MYH1: variants seen among roughly 807,000 people sequenced by gnomAD.
MYH1 encodes the protein myosin heavy chain 1.
A neutral mutation model predicts 225.6 loss-of-function variants in MYH1; 214 were observed. The ratio of observed to expected loss-of-function variants is 0.95; its 90% CI spans 0.85 to 1.06. The LOEUF is 1.06. Ranked by LOEUF, MYH1 falls within the 50% of genes least tolerant of loss-of-function variation. MYH1 has a pLI of 0.00. For missense variants in MYH1, 2,098 were observed against 2,344.2 expected (o/e 0.89, Z 2.17); for synonymous variants, 774 against 842.3 (o/e 0.92, Z 1.40).
chr17:10,515,147 AATGCATAAT>A (rs748101218), intron 5 of MYH1, among the ~76,000 whole-genome samples: 7 of 152,232 alleles, frequency 4.6e-5, no homozygotes, highest in Non-Finnish European at 7.3e-5. Context: ...ATAGCTGAAA[AATGCATAAT>A]ATGCTAAAGG....
intron 17 of MYH1, among the ~76,000 whole-genome samples, chr17:10,506,960 G>A (rs747048170): frequency 6.6e-6 from 1 of 152,202 alleles, no homozygotes; most frequent in African/African-American, 2.4e-5. Flanking sequence ...ATGTTACCAA[G>A]CGTGTAAAGT....
Position 10,494,605 on chromosome 17 carries a change from G to A in MYH1, c.5535C>T (p.Arg1845=). Residue 1845 remains arginine (R), a synonymous_variant, in exon 38 of 40, where the codon CGC becomes CGT. Transcript: ENST00000226207. ...GTTCCTTCACTTTTCTCTCATGTTT[G>A]CGTAGACCCTTGACAGCTTCAACAT... ...KRNVEAVKGL[R]KHERKVKELT... 6.2e-7 allele frequency: 1 copy of A among 1,613,948 alleles called. No homozygotes were observed. The highest frequency in any genetic ancestry group is 8.5e-7 in the Non-Finnish European group (1 of 1,180,000).
intron 10 of MYH1, 33 bp from the exon 11 acceptor site, chr17:10,512,817 A>G (rs538622745): frequency 1.2e-6 from 2 of 1,608,800 alleles, no homozygotes; most frequent in East Asian, 4.5e-5. Context: ...TATGTTTTAC[A>G]TTAGAAGATA....
In MYH1 at chr17:10,496,084, C is replaced by G. The variant is rs1392171754; in HGVS notation, c.5035G>C (p.Glu1679Gln). 3 of 1,614,138 alleles carry G rather than the reference C, an allele frequency of 1.9e-6. No individual in the cohort carries two copies. The highest frequency in any genetic ancestry group is 2.5e-6 in the Non-Finnish European group (3 of 1,180,020). The change falls in exon 35 of 40, where the codon GAG becomes CAG. Residue 1679 changes from glutamate to glutamine, a missense_variant. Glu to Gln is a conservative substitution (Grantham distance 29). Coordinates refer to ENST00000226207, the MANE Select transcript of MYH1 (RefSeq NM_005963.4). ...GCCTGCAGCAGGTTGGCTCTGCGCT[C>G]CACCATAGCCAGCTGTTCCTTCAGG... ...EDLKEQLAMV[E>Q]RRANLLQAEI...
Position 10,495,320 on chromosome 17 carries a change from G to C in MYH1, c.5170-3C>G, listed in dbSNP as rs748448611. 2.7e-5 allele frequency: 43 copies of C among 1,613,774 alleles called. No homozygotes were observed. The highest frequency in any genetic ancestry group is 3.6e-5 in the Non-Finnish European group (42 of 1,179,984). On this transcript the variant is annotated splice_region_variant and splice_polypyrimidine_tract_variant and intron_variant, in intron 35 of 39. Transcript: ENST00000226207. ...TTGGTGTTGATCAGGCTGGTGTTCTGTTTAAAATGTGAAATTTAGAAATAT... is the reference window on the plus strand; with the variant it reads ...TTGGTGTTGATCAGGCTGGTGTTCTCTTTAAAATGTGAAATTTAGAAATAT...
chr17:10,500,164 G>A (rs1227106800), intron 28 of MYH1, among the ~76,000 whole-genome samples: 1 of 152,114 alleles, frequency 6.6e-6, no homozygotes, highest in African/African-American at 2.4e-5. Flanking sequence ...ATAATCCACT[G>A]TCTTTAAAAT....
At chr17:10,512,988 G>A in intron 9 of MYH1, 23 bp from the exon 10 acceptor site, 1 of 1,518,454 alleles carries the variant, frequency 6.6e-7, no homozygotes, top group Non-Finnish European at 9.1e-7. Context: ...GTAGACATCA[G>A]ATTATGGGGA....
In MYH1 at chr17:10,498,980, C is replaced by G; in HGVS notation, c.3978G>C (p.Glu1326Asp). 6.2e-7 allele frequency: 1 copy of G among 1,611,626 alleles called. No individual in the cohort carries two copies. The highest frequency in any genetic ancestry group is 8.5e-7 in the Non-Finnish European group (1 of 1,177,908). Residue 1326 changes from glutamate (E) to aspartate (D), a missense_variant, in exon 29 of 40, where the codon GAG (glutamate) becomes GAC (aspartate). Glu to Asp is a conservative substitution (Grantham distance 45). Transcript: ENST00000226207. ...IEELKRQLEEEIKAKSALAHA... is the reference protein window; with the variant it reads ...IEELKRQLEEDIKAKSALAHA... ...AATGACAAGTGGAGCTTACCTTTAT[C>G]TCCTCTTCAAGTTGCCTTTTCAGTT...
At chr17:10,503,402 G>C (rs1166073483) in intron 22 of MYH1, among the ~76,000 whole-genome samples, 154 bp from the exon 23 acceptor site, 1 of 152,114 alleles carries the variant, frequency 6.6e-6, no homozygotes, top group South Asian at 2.1e-4. Context: ...GGGCACTTAT[G>C]AGTCCGGTAA....
chr17:10,498,759 G>A lies in MYH1; in HGVS notation c.4048C>T (p.Gln1350Ter). Residue 1350 changes from glutamine to a stop codon, truncating the protein, a stop_gained, in exon 30 of 40, where the codon CAG (glutamine) becomes TAG (stop). Transcript: ENST00000226207. LOFTEE classifies it high-confidence loss of function. Reference sequence around the variant, plus strand: ...TTGGCTTCCTGCTCCTCCTCATACTGTTCCCGCAGCAGGTCACAGTCATGG... The same window carrying A: ...TTGGCTTCCTGCTCCTCCTCATACTATTCCCGCAGCAGGTCACAGTCATGG... ...SRHDCDLLRE[Q>*]YEEEQEAKAE... 1.2e-6 allele frequency: 2 copies of A among 1,614,192 alleles called. No individual in the cohort carries two copies. Among genetic ancestry groups the A allele is most frequent in the Non-Finnish European group, 1.7e-6 (2 of 1,180,022 alleles).
chr17:10,498,042 G>T, intron 30 of MYH1, 125 bp from the exon 31 acceptor site: 1 of 943,018 alleles, frequency 1.1e-6, no homozygotes, highest in Non-Finnish European at 1.5e-6. Context: ...TTGTTTTGTA[G>T]GTCCAGTTCT....
Position 10,498,716 on chromosome 17 carries a change from G to A in MYH1, c.4091C>T (p.Ala1364Val). Reference sequence around the variant, plus strand: ...AACCTCACTGTTGGCCTTGGACATTGCTCTCTGTAGCTCGGCCTTGGCTTC... The same window carrying A: ...AACCTCACTGTTGGCCTTGGACATTACTCTCTGTAGCTCGGCCTTGGCTTC... ...EQEAKAELQR[A>V]MSKANSEVAQ... Residue 1364 changes from alanine to valine, a missense_variant, in exon 30 of 40, where the codon GCA (alanine) becomes GTA (valine). Ala to Val is a moderately conservative substitution (Grantham distance 64). Transcript: ENST00000226207. 6.2e-7 allele frequency: 1 copy of A among 1,614,066 alleles called. No homozygotes were observed. Among genetic ancestry groups the A allele is most frequent in the Non-Finnish European group, 8.5e-7 (1 of 1,179,924 alleles).
Position 10,503,206 on chromosome 17 carries a change from G to T in MYH1, c.2734C>A (p.Leu912Ile), listed in dbSNP as rs1367891471. Residue 912 changes from leucine (L) to isoleucine (I), a missense_variant, in exon 23 of 40, where the codon CTA becomes ATA. Leu to Ile is a conservative substitution (Grantham distance 5, BLOSUM62 2). Transcript: ENST00000226207. Reference protein sequence around the residue: ...LADAEERCDQLIKTKIQLEAK... With the variant: ...LADAEERCDQIIKTKIQLEAK... ...TCTAGCTGGATTTTGGTTTTGATTAGCTGGTCACACCTTTCCTCTGCATCA... is the reference window on the plus strand; with the variant it reads ...TCTAGCTGGATTTTGGTTTTGATTATCTGGTCACACCTTTCCTCTGCATCA... 1 of 1,614,084 alleles carries T rather than the reference G, an allele frequency of 6.2e-7. No individual in the cohort carries two copies. The highest frequency in any genetic ancestry group is 8.5e-7 in the Non-Finnish European group (1 of 1,180,030).
intron 2 of MYH1, among the ~76,000 whole-genome samples, chr17:10,517,580 T>C (rs1412268636): frequency 6.6e-6 from 1 of 152,212 alleles, no homozygotes; most frequent in East Asian, 1.9e-4. Context: ...AAAGATACCT[T>C]TTCCAGGGAA....
At chr17:10,493,414 G>A (rs1025471523) in intron 39 of MYH1, among the ~76,000 whole-genome samples, 1 of 152,020 alleles carries the variant, frequency 6.6e-6, no homozygotes, top group Admixed American at 6.6e-5. Flanking sequence ...AACCATCAAT[G>A]AACAGAGGAA....
rs776451170 is a variant in MYH1, at chr17:10,500,679, T to C, written c.3812A>G (p.Gln1271Arg). 8.7e-6 allele frequency: 14 copies of C among 1,613,982 alleles called. No individual in the cohort carries two copies. Among genetic ancestry groups the C allele is most frequent in the Non-Finnish European group, 1.2e-5 (14 of 1,180,034 alleles). ...TGCTGTGAGGTCATTGATCAGCCGC[T>C]GCTGCTCCTCTTCCTTGGTCTTAAT... ...SEIKTKEEEQ[Q>R]RLINDLTAQR... Residue 1271 changes from glutamine (Q) to arginine (R), a missense_variant, in exon 28 of 40, where the codon CAG (glutamine) becomes CGG (arginine). Transcript: ENST00000226207.
chr17:10,497,098 CAG>C lies in MYH1; in HGVS notation c.4625_4626del (p.Ser1542Ter). On this transcript the variant is annotated frameshift_variant, in exon 33 of 40. Coordinates refer to ENST00000226207, the MANE Select transcript of MYH1 (RefSeq NM_005963.4). LOFTEE classifies it high-confidence loss of function. ...KIKKQVEQEK[S>X]ELQAALEEAE... ...GCCTCCTCTAAGGCAGCCTGAAGTT[CAG>C]ACTTTTCTTGCTCAACTTGCTTCTT... 6.2e-7 allele frequency: 1 copy of C among 1,614,052 alleles called. No individual in the cohort carries two copies. The highest frequency in any genetic ancestry group is 8.5e-7 in the Non-Finnish European group (1 of 1,180,010).
rs139132394 is a variant in MYH1 at position 10,497,395 on chromosome 17, G to A, written c.4423C>T (p.Gln1475Ter). 11 of 1,613,418 alleles carry A rather than the reference G, an allele frequency of 6.8e-6. No individual in the cohort carries two copies. Among genetic ancestry groups the A allele is most frequent in the Non-Finnish European group, 9.3e-6 (11 of 1,179,918 alleles). ...GTGCTGAGTGAGCGGGATTCCTTTT[G>A]AGAAGCTTCAAGTTCAGCATGAGTT... is the stretch of plus-strand genomic sequence containing the variant. Reference protein sequence around the residue: ...EETHAELEASQKESRSLSTEL... With the variant: ...EETHAELEAS Residue 1475 changes from glutamine to a stop codon, truncating the protein, a stop_gained, in exon 32 of 40, where the codon CAA becomes TAA. Coordinates refer to ENST00000226207, the MANE Select transcript of MYH1 (RefSeq NM_005963.4). LOFTEE classifies it high-confidence loss of function.
intron 35 of MYH1, among the ~76,000 whole-genome samples, chr17:10,495,684 C>A (rs1423827165): frequency 1.2e-4 from 17 of 140,158 alleles, no homozygotes; most frequent in Non-Finnish European, 2.0e-4. Flanking sequence ...TGGCGTGAGC[C>A]CGGGAGGTGG....
Sources: gnomAD v4.1 joint callset for allele counts (sites outside exome capture counted in the v4.1 genomes callset) on GRCh38, gnomAD v4.1.1 for gene constraint, MANE v1.5 for transcripts, NCBI Gene and HGNC (gene_info 2026-07-23, HGNC 2026-07-21) for gene names.